Variants in THSD4 observed in about 807,000 individuals in gnomAD.
The protein encoded by THSD4 is thrombospondin type-1 domain-containing protein 4.
THSD4 carries 69 observed loss-of-function variants against 119.0 expected under a neutral mutation model. The observed-to-expected ratio is 0.58, with a 90% CI of 0.48 to 0.71. THSD4 has a LOEUF of 0.71. Ranked by LOEUF, THSD4 falls within the 30% of genes least tolerant of loss-of-function variation. The pLI is 0.00. For missense variants in THSD4, 1,393 were observed against 1,391.1 expected (o/e 1.00, Z -0.02); for synonymous variants, 524 against 540.4 (o/e 0.97, Z 0.42).
intron 6 of THSD4, among the ~76,000 whole-genome samples, chr15:71,320,286 C>G (rs940060724): frequency 6.6e-6 from 1 of 152,166 alleles, no homozygotes; most frequent in Non-Finnish European, 1.5e-5. Context: ...CATAAAACAT[C>G]TTTGTATATT....
chr15:71,251,332 C>G (rs1366391181), intron 5 of THSD4, among the ~76,000 whole-genome samples: 1 of 152,144 alleles, frequency 6.6e-6, no homozygotes, highest in Non-Finnish European at 1.5e-5. Flanking sequence ...TTGGTGTCTC[C>G]ACTTCAGCAA....
Position 71,193,837 on chromosome 15 carries a change from C to T in THSD4, c.100-21198C>T, listed in dbSNP as rs112510412. On this transcript the variant is annotated intron_variant, in intron 3 of 17. Transcript: ENST00000261862. ...ATTCTCCTGCCTCAGCCTCCCTAGT[C>T]CCCCCTGGGACTACAGGCGCCCGCC... Among the ~76,000 whole-genome samples, 503 of 152,028 alleles carry T rather than the reference C, an allele frequency of 3.3e-3. 1 individual carries two copies. Among genetic ancestry groups the T allele is most frequent in the African/African-American group, 0.011 (465 of 41,536 alleles).
At chr15:71,707,514 A>G (rs2052417516) in intron 8 of THSD4, among the ~76,000 whole-genome samples, 1 of 152,228 alleles carries the variant, frequency 6.6e-6, no homozygotes, top group Non-Finnish European at 1.5e-5. Context: ...TAACCACTTT[A>G]TTCTTTTAAG....
intron 8 of THSD4, among the ~76,000 whole-genome samples, chr15:71,710,438 G>A (rs996279600): frequency 2.0e-5 from 3 of 152,210 alleles, no homozygotes; most frequent in South Asian, 2.1e-4. Context: ...CCCAAATGGA[G>A]GAGGGCCAAG....
chr15:71,403,918 A>G (rs186151712), intron 6 of THSD4, among the ~76,000 whole-genome samples: 86 of 152,308 alleles, frequency 5.6e-4, no homozygotes, highest in Non-Finnish European at 8.7e-4. Context: ...TCCATGAAAC[A>G]GTAACAGGAT....
intron 1 of THSD4, among the ~76,000 whole-genome samples, chr15:71,127,196 G>C (rs2040463190): frequency 6.6e-6 from 1 of 152,058 alleles, no homozygotes; most frequent in Non-Finnish European, 1.5e-5. Flanking sequence ...TCTGTGCCTG[G>C]CTTATTTCAT....
chr15:71,340,008 G>T (rs137952923), intron 6 of THSD4, among the ~76,000 whole-genome samples: 8 of 152,042 alleles, frequency 5.3e-5, no homozygotes, highest in Non-Finnish European at 1.2e-4. Flanking sequence ...CAGGTGATCC[G>T]CCCACCTTGC....
intron 7 of THSD4, among the ~76,000 whole-genome samples, chr15:71,653,156 C>G (rs7181094): frequency 6.6e-6 from 1 of 152,194 alleles, no homozygotes; most frequent in African/African-American, 2.4e-5. Context: ...GTACTGTGCT[C>G]TTTGCAATAC....
At chr15:71,181,316 T>G (rs1366031452) in intron 3 of THSD4, among the ~76,000 whole-genome samples, 3 of 152,244 alleles carry the variant, frequency 2.0e-5, no homozygotes, top group Non-Finnish European at 4.4e-5. Flanking sequence ...TAATTTGTGC[T>G]GCTCTAAATT....
At chr15:71,716,538 CCTGT>C (rs1436790992) in intron 8 of THSD4, among the ~76,000 whole-genome samples, 1 of 21,620 alleles carries the variant, frequency 4.6e-5, no homozygotes, top group East Asian at 2.9e-3. Context: ...AGAGCACTTT[CCTGT>C]TTGTTTTATA....
chr15:71,599,544 G>A (rs1167654551), intron 7 of THSD4, among the ~76,000 whole-genome samples: 1 of 152,192 alleles, frequency 6.6e-6, no homozygotes, highest in Non-Finnish European at 1.5e-5. Flanking sequence ...GAAATGCTAT[G>A]GAGTATCTCA....
intron 6 of THSD4, among the ~76,000 whole-genome samples, chr15:71,276,839 C>A (rs185632555): frequency 1.3e-5 from 2 of 152,084 alleles, no homozygotes; most frequent in Admixed American, 6.6e-5. Flanking sequence ...CAATATGTAG[C>A]GGATTGTAAT....
intron 6 of THSD4, among the ~76,000 whole-genome samples, chr15:71,371,569 T>C (rs1339525348): frequency 2.6e-5 from 4 of 152,254 alleles, no homozygotes; most frequent in South Asian, 2.1e-4. Context: ...AAATTCTAGG[T>C]TGAAAATTCT....
In THSD4 at chr15:71,478,376, C is replaced by T. The variant is rs141602199; in HGVS notation, c.1152+66553C>T. On this transcript the variant is annotated intron_variant, in intron 7 of 17. Transcript: ENST00000261862. The stretch of plus-strand genomic sequence containing the variant: ...TATGTAAATCTTCTTTAAAGTAGGA[C>T]ATAACTTATGCAGAATTATATCCCC... 1.8e-3 allele frequency among the ~76,000 whole-genome samples: 274 copies of T among 152,236 alleles called. 2 individuals are homozygous for T. The highest frequency in any genetic ancestry group is 6.4e-3 in the African/African-American group (264 of 41,532).
In THSD4 at chr15:71,326,746, A is replaced by G. The variant is rs2045351552; in HGVS notation, c.1015+70031A>G. ...ATATATTAGCTGGGTGTGGTGGCAC[A>G]TGCTTGTTATCCCAGTTACTCAAGA... On this transcript the variant is annotated intron_variant, in intron 6 of 17. Transcript: ENST00000261862. 2.7e-5 allele frequency among the ~76,000 whole-genome samples: 3 copies of G among 111,862 alleles called. No individual in the cohort carries two copies. In the South Asian group the frequency reaches 1.1e-3, roughly 40 times the overall value. The allele number at this position is 111,862 out of a possible 152,430, so 73.4% of individuals were successfully genotyped here. A position where few individuals can be genotyped will look rare whatever the true frequency, so the allele number is the denominator to read the frequency against.
intron 7 of THSD4, among the ~76,000 whole-genome samples, chr15:71,456,896 A>G (rs908734078): frequency 6.6e-6 from 1 of 152,178 alleles, no homozygotes; most frequent in East Asian, 1.9e-4. Context: ...GAAGTACAAG[A>G]GTCCCTTCAA....
chr15:71,272,339 A>G, intron 6 of THSD4, among the ~76,000 whole-genome samples: 1 of 145,848 alleles, frequency 6.9e-6, no homozygotes, highest in East Asian at 2.1e-4. Flanking sequence ...TGGAGGTTAC[A>G]GTGAGCTGAG....
intron 3 of THSD4, among the ~76,000 whole-genome samples, chr15:71,199,877 GT>G (rs2043780658): frequency 4.0e-5 from 2 of 49,544 alleles, no homozygotes; most frequent in Admixed American, 2.8e-4. Context: ...GTGTGTGTGT[GT>G]GGTGCATGTG....
chr15:71,392,628 A>G (rs1034612195), intron 6 of THSD4, among the ~76,000 whole-genome samples: 5 of 152,182 alleles, frequency 3.3e-5, no homozygotes, highest in Non-Finnish European at 4.4e-5. Flanking sequence ...GAAGGTTCTA[A>G]TGAACCCTGA....
Sources: gnomAD v4.1 joint callset for allele counts (sites outside exome capture counted in the v4.1 genomes callset) on GRCh38, gnomAD v4.1.1 for gene constraint, MANE v1.5 for transcripts, NCBI Gene and HGNC (gene_info 2026-07-23, HGNC 2026-07-21) for gene names.